ERBB4: variants seen among roughly 807,000 people sequenced by gnomAD.
ERBB4 encodes receptor tyrosine-protein kinase erbB-4.
A neutral mutation model predicts 158.0 loss-of-function variants in ERBB4; 42 were observed. The observed-to-expected ratio is 0.27, with a 90% CI of 0.21 to 0.34. The LOEUF (loss-of-function observed/expected upper bound fraction) is 0.34. Ranked by LOEUF, ERBB4 falls within the 10% of genes least tolerant of loss-of-function variation. The pLI, the probability that ERBB4 is intolerant of heterozygous loss-of-function variation, is 1.00. For synonymous variants in ERBB4, 583 were observed against 558.7 expected (o/e 1.04, Z -0.61); for missense variants, 1,333 against 1,624.1 (o/e 0.82, Z 3.08).
In ERBB4 at chr2:212,003,157, G is replaced by GAAAGA. The variant is rs1349324740; in HGVS notation, c.235-55546_235-55542dup. Among the ~76,000 whole-genome samples the GAAAGA allele has an allele frequency of 3.0e-4, 5 of 16,630 alleles. 1 individual carries two copies. Among genetic ancestry groups the GAAAGA allele is most frequent in the Admixed American group, 8.9e-4 (1 of 1,118 alleles). 10.9% of individuals were successfully genotyped at this position (16,630 alleles called of 152,430 possible). A position where few individuals can be genotyped will look rare whatever the true frequency, so the allele number is the denominator to read the frequency against. ...GGAAGGAAGGAAGGAAGGAAAGAAA[G>GAAAGA]AAAGAAAGAAAGAAAGAAAGAAAGA... On this transcript the variant is annotated intron_variant, in intron 2 of 27. Coordinates refer to ENST00000342788, the MANE Select transcript of ERBB4 (RefSeq NM_005235.3).
chr2:212,261,470 G>C (rs566164896), intron 1 of ERBB4, among the ~76,000 whole-genome samples: 67 of 152,144 alleles, frequency 4.4e-4, no homozygotes, highest in African/African-American at 1.6e-3. Context: ...GAGGATTTAG[G>C]GAGTAAGAAG....
Position 211,623,899 on chromosome 2 carries a change from G to A in ERBB4, c.2202+23C>T, listed in dbSNP as rs200296633. On this transcript the variant is annotated intron_variant, in intron 18 of 27. Transcript: ENST00000342788. ...ACATCTAAAACAAAACTTAACTAAC[G>A]ATATGCGTTGTTTTTTACTTACTTT... The A allele has an allele frequency of 1.7e-5, 27 of 1,612,358 alleles. No homozygotes were observed. The African/African-American group carries it at 2.7e-4, about 16-fold the overall frequency.
intron 20 of ERBB4, among the ~76,000 whole-genome samples, chr2:211,485,425 T>C (rs2065179174): frequency 6.6e-6 from 1 of 152,102 alleles, no homozygotes; most frequent in Non-Finnish European, 1.5e-5. Context: ...CTCTAACAAT[T>C]CACCCTATCT....
chr2:212,344,640 A>G (rs372519449), intron 1 of ERBB4, among the ~76,000 whole-genome samples: 1 of 152,108 alleles, frequency 6.6e-6, no homozygotes, highest in Non-Finnish European at 1.5e-5. Context: ...CTATCAATGC[A>G]TCAGGTAATA....
chr2:211,965,443 G>A (rs1031444514), intron 2 of ERBB4, among the ~76,000 whole-genome samples: 2 of 152,114 alleles, frequency 1.3e-5, no homozygotes, highest in African/African-American at 4.8e-5. Flanking sequence ...AGATTTGCCT[G>A]ATATAGTCAC....
intron 3 of ERBB4, among the ~76,000 whole-genome samples, chr2:211,842,752 T>G (rs1198832462): frequency 6.6e-6 from 1 of 152,158 alleles, no homozygotes; most frequent in African/African-American, 2.4e-5. Flanking sequence ...TAATTTAAAT[T>G]TAAAAGATAT....
At chr2:212,214,653 G>C (rs1402492743) in intron 1 of ERBB4, among the ~76,000 whole-genome samples, 1 of 143,758 alleles carries the variant, frequency 7.0e-6, no homozygotes, top group Non-Finnish European at 1.5e-5. Context: ...CATTGCTGAT[G>C]GAAGTGTAAA....
intron 1 of ERBB4, among the ~76,000 whole-genome samples, chr2:212,329,215 C>A (rs1184751504): frequency 6.6e-6 from 1 of 151,242 alleles, no homozygotes; most frequent in African/African-American, 2.4e-5. Flanking sequence ...CAATGAATAA[C>A]AAAGTATTAA....
chr2:211,404,621 CA>C (rs1197624560), intron 25 of ERBB4, among the ~76,000 whole-genome samples: 4 of 151,214 alleles, frequency 2.6e-5, no homozygotes, highest in South Asian at 2.1e-4. Context: ...TTTGTTAAAA[CA>C]TTTTTTTTTA....
chr2:212,400,649 T>C (rs1228866472), intron 1 of ERBB4, among the ~76,000 whole-genome samples: 2 of 152,154 alleles, frequency 1.3e-5, no homozygotes, highest in Non-Finnish European at 2.9e-5. Context: ...AACAAAACTA[T>C]GGGATTTGGT....
At chr2:212,241,144 C>T (rs544085352) in intron 1 of ERBB4, among the ~76,000 whole-genome samples, 1 of 152,158 alleles carries the variant, frequency 6.6e-6, no homozygotes, top group South Asian at 2.1e-4. Flanking sequence ...GACATTCCAG[C>T]TCTTTGGGAG....
intron 1 of ERBB4, among the ~76,000 whole-genome samples, chr2:212,245,795 A>C (rs886789936): frequency 6.6e-6 from 1 of 152,094 alleles, no homozygotes; most frequent in African/African-American, 2.4e-5. Flanking sequence ...CTTGTCAAGG[A>C]AAGAGAAAAA....
At chr2:211,776,243 G>C (rs981706075) in intron 4 of ERBB4, among the ~76,000 whole-genome samples, 5 of 152,086 alleles carry the variant, frequency 3.3e-5, no homozygotes, top group Non-Finnish European at 5.9e-5. Context: ...GCTTTATTGA[G>C]GATAGACCTT....
intron 2 of ERBB4, among the ~76,000 whole-genome samples, chr2:211,948,232 C>T (rs537380181): frequency 8.0e-4 from 121 of 151,844 alleles, no homozygotes; most frequent in Non-Finnish European, 1.5e-3. Flanking sequence ...GTCAAGAGAT[C>T]GAGACCATTC....
chr2:211,604,601 C>T (rs150616455), intron 19 of ERBB4, among the ~76,000 whole-genome samples: 138 of 152,280 alleles, frequency 9.1e-4, no homozygotes, highest in African/African-American at 3.1e-3. Flanking sequence ...AATATCTCAT[C>T]ACCAAAACGA....
At chr2:212,115,097 T>G (rs972579977) in intron 2 of ERBB4, among the ~76,000 whole-genome samples, 3 of 152,220 alleles carry the variant, frequency 2.0e-5, no homozygotes, top group African/African-American at 7.2e-5. Context: ...AAGAGGCCTT[T>G]GTTTACTAAA....
intron 1 of ERBB4, among the ~76,000 whole-genome samples, chr2:212,501,541 C>T (rs1690889402): frequency 6.6e-6 from 1 of 152,148 alleles, no homozygotes; most frequent in Non-Finnish European, 1.5e-5. Flanking sequence ...CTTCGTTGAC[C>T]AGCCACAGAA....
At chr2:211,753,333 C>T (rs930505323) in intron 4 of ERBB4, among the ~76,000 whole-genome samples, 10 of 151,704 alleles carry the variant, frequency 6.6e-5, no homozygotes, top group South Asian at 2.1e-4. Flanking sequence ...CTTCCAACCA[C>T]GTATCCCTGA....
In ERBB4 at chr2:211,378,764, A is replaced by G. The variant is rs1463608636; in HGVS notation, c.*4851T>C. 5 of 232,830 alleles carry G rather than the reference A, an allele frequency of 2.1e-5. No individual in the cohort carries two copies. Among genetic ancestry groups the G allele is most frequent in the Non-Finnish European group, 3.4e-5 (4 of 117,606 alleles). The allele number at this position is 232,830 out of a possible 1,614,324, so 14.4% of individuals were successfully genotyped here. ...AACCAGGCGATACCAATCTGCATTT[A>G]TATGTTTACATGGGGCAAGGCTGTC... On this transcript the variant is annotated 3_prime_UTR_variant, in exon 28 of 28. Coordinates refer to ENST00000342788, the MANE Select transcript of ERBB4 (RefSeq NM_005235.3).
Sources: allele counts gnomAD v4.1 joint callset (sites outside exome capture counted in the v4.1 genomes callset), GRCh38; gene constraint gnomAD v4.1.1; transcripts MANE v1.5; gene names NCBI Gene and HGNC (gene_info 2026-07-23, HGNC 2026-07-21).